Variants in NRG3 observed in about 807,000 individuals in gnomAD.
The protein encoded by NRG3 is neuregulin 3.
NRG3 carries 31 observed loss-of-function variants against 66.9 expected under a neutral mutation model. The observed-to-expected ratio is 0.46, with a 90% CI of 0.35 to 0.63. The LOEUF is 0.63. Ranked by LOEUF, NRG3 falls within the 20% of genes least tolerant of loss-of-function variation. NRG3 has a pLI of 0.00. For synonymous variants in NRG3, 393 were observed against 359.4 expected (o/e 1.09, Z -1.06); for missense variants, 910 against 878.9 (o/e 1.04, Z -0.45).
intron 2 of NRG3, among the ~76,000 whole-genome samples, chr10:82,517,841 ATT>A (rs1205866111): frequency 6.6e-6 from 1 of 152,142 alleles, no homozygotes; most frequent in Non-Finnish European, 1.5e-5. Context: ...AAATGTACAA[ATT>A]TAGCTCATAA....
In NRG3 at chr10:82,418,448, T is replaced by TTA. The variant is rs1379570181; in HGVS notation, c.953+59582_953+59583dup. ...CAAATGTTTATGCAAATTAACCAGT[T>TTA]TATGCAAATGAAAAGAGGAGGTAAG... On this transcript the variant is annotated intron_variant, in intron 2 of 8. Coordinates refer to ENST00000372141, the MANE Select transcript of NRG3 (RefSeq NM_001010848.4). 2.6e-5 allele frequency among the ~76,000 whole-genome samples: 4 copies of TTA among 152,188 alleles called. No individual in the cohort carries two copies. The East Asian group carries it at 7.7e-4, about 29-fold the overall frequency.
intron 2 of NRG3, among the ~76,000 whole-genome samples, chr10:82,434,848 A>G (rs2090034225): frequency 6.6e-6 from 1 of 151,992 alleles, no homozygotes; most frequent in African/African-American, 2.4e-5. Context: ...TCCGTTTCCC[A>G]TATTTTATTG....
At chr10:82,974,635 C>T (rs138557208) in intron 7 of NRG3, among the ~76,000 whole-genome samples, 1 of 152,212 alleles carries the variant, frequency 6.6e-6, no homozygotes, top group African/African-American at 2.4e-5. Context: ...TGGAAGTTGT[C>T]CGAAGACTTA....
chr10:82,144,998 T>G (rs2070140069), intron 1 of NRG3, among the ~76,000 whole-genome samples: 2 of 152,230 alleles, frequency 1.3e-5, no homozygotes, highest in African/African-American at 4.8e-5. Context: ...CTTTTAAAAC[T>G]GCTTCCCTGT....
At chr10:82,720,155 C>T (rs1306085912) in intron 2 of NRG3, among the ~76,000 whole-genome samples, 4 of 152,092 alleles carry the variant, frequency 2.6e-5, no homozygotes, top group African/African-American at 4.8e-5. Context: ...TTCGGGAGGC[C>T]GAGGTGGGCT....
At chr10:82,870,845 A>G (rs1469705471) in intron 4 of NRG3, among the ~76,000 whole-genome samples, 1 of 152,124 alleles carries the variant, frequency 6.6e-6, no homozygotes, top group Non-Finnish European at 1.5e-5. Context: ...TATCTTTTGC[A>G]AATATTTTCT....
chr10:82,008,548 A>G (rs2061459192), intron 1 of NRG3, among the ~76,000 whole-genome samples: 1 of 152,176 alleles, frequency 6.6e-6, no homozygotes, highest in Admixed American at 6.5e-5. Flanking sequence ...AGGAAAAGTA[A>G]GTTTAACCAA....
intron 1 of NRG3, among the ~76,000 whole-genome samples, chr10:81,929,187 A>T (rs1847101918): frequency 6.6e-6 from 1 of 151,940 alleles, no homozygotes; most frequent in Non-Finnish European, 1.5e-5. Context: ...TGACATGGAA[A>T]ATTTAGTCAA....
chr10:82,664,463 A>G (rs1450412690), intron 2 of NRG3, among the ~76,000 whole-genome samples: 2 of 152,160 alleles, frequency 1.3e-5, no homozygotes, highest in Non-Finnish European at 2.9e-5. Flanking sequence ...GGGAAAAGGC[A>G]TTTCTTAATT....
intron 4 of NRG3, among the ~76,000 whole-genome samples, chr10:82,902,999 T>C (rs548589428): frequency 2.0e-4 from 31 of 152,260 alleles, no homozygotes; most frequent in Non-Finnish European, 3.4e-4. Flanking sequence ...CATGAATACA[T>C]AAAATCTGTG....
At chr10:81,931,484 A>G (rs1038891562) in intron 1 of NRG3, among the ~76,000 whole-genome samples, 11 of 152,294 alleles carry the variant, frequency 7.2e-5, no homozygotes, top group African/African-American at 2.6e-4. Context: ...TCTAGAACAA[A>G]GGCTGTCATC....
intron 2 of NRG3, among the ~76,000 whole-genome samples, chr10:82,491,973 A>G (rs188299300): frequency 2.0e-5 from 3 of 152,314 alleles, no homozygotes; most frequent in Non-Finnish European, 2.9e-5. Flanking sequence ...ACTTTACTCT[A>G]ATTGCCCTAA....
intron 6 of NRG3, among the ~76,000 whole-genome samples, chr10:82,969,334 T>C (rs1467169771): frequency 1.3e-5 from 2 of 152,234 alleles, no homozygotes; most frequent in Non-Finnish European, 2.9e-5. Context: ...AGACAGATAT[T>C]CAGGATATCA....
intron 2 of NRG3, among the ~76,000 whole-genome samples, chr10:82,703,648 C>T (rs1451673577): frequency 6.6e-6 from 1 of 152,078 alleles, no homozygotes; most frequent in Non-Finnish European, 1.5e-5. Flanking sequence ...TGTTAATTTC[C>T]TACCAACACA....
intron 1 of NRG3, among the ~76,000 whole-genome samples, chr10:81,995,461 C>T (rs1018008343): frequency 1.3e-5 from 2 of 152,132 alleles, no homozygotes; most frequent in Admixed American, 6.6e-5. Context: ...CTGTGTTTGG[C>T]AGCAACTCGA....
rs75699173 is a variant in NRG3, at chr10:81,937,887, G to A, written c.823+61724G>A. 4.3e-3 allele frequency among the ~76,000 whole-genome samples: 658 copies of A among 152,158 alleles called. 3 individuals are homozygous for A. The highest frequency in any genetic ancestry group is 0.015 in the African/African-American group (625 of 41,548). ...TTATAGTTTCTGGGCTTATGTTAAAGACCTTAACCCATTTTTAACTAATTT... is the reference window on the plus strand; with the variant it reads ...TTATAGTTTCTGGGCTTATGTTAAAAACCTTAACCCATTTTTAACTAATTT... On this transcript the variant is annotated intron_variant, in intron 1 of 8. Transcript: ENST00000372141.
At chr10:81,961,456 A>G (rs1019494025) in intron 1 of NRG3, among the ~76,000 whole-genome samples, 1 of 133,118 alleles carries the variant, frequency 7.5e-6, no homozygotes, top group Non-Finnish European at 1.6e-5. Flanking sequence ...CTAGCATAGA[A>G]TATTTGTTTG....
intron 3 of NRG3, among the ~76,000 whole-genome samples, chr10:82,803,813 G>C (rs2061157399): frequency 6.6e-6 from 1 of 151,368 alleles, no homozygotes; most frequent in South Asian, 2.1e-4. Flanking sequence ...AAAATATTTA[G>C]CTCAATAATT....
At chr10:82,587,086 C>T (rs1485061526) in intron 2 of NRG3, among the ~76,000 whole-genome samples, 1 of 152,090 alleles carries the variant, frequency 6.6e-6, no homozygotes, top group Non-Finnish European at 1.5e-5. Context: ...CAAAATAATA[C>T]TAAGATGTGA....
Sources: allele counts gnomAD v4.1 joint callset (sites outside exome capture counted in the v4.1 genomes callset), GRCh38; gene constraint gnomAD v4.1.1; transcripts MANE v1.5; gene names NCBI Gene and HGNC (gene_info 2026-07-23, HGNC 2026-07-21).